SLC24A3: variants seen among roughly 807,000 people sequenced by gnomAD.
SLC24A3 encodes sodium/potassium/calcium exchanger 3.
Under a neutral mutation model 75.8 loss-of-function variants are expected in SLC24A3, and 28 were observed. The observed-to-expected ratio is 0.37, with a 90% CI of 0.27 to 0.51. SLC24A3 has a LOEUF of 0.51. Among genes scored for constraint, SLC24A3 ranks in the 20% least tolerant of loss-of-function variants. The pLI, the probability that SLC24A3 is intolerant of heterozygous loss-of-function variation, is 0.94. For missense variants in SLC24A3, 663 were observed against 847.8 expected (o/e 0.78, Z 2.71); for synonymous variants, 372 against 334.1 (o/e 1.11, Z -1.24).
intron 9 of SLC24A3, among the ~76,000 whole-genome samples, chr20:19,680,212 C>A (rs1049782221): frequency 1.1e-4 from 16 of 151,110 alleles, no homozygotes; most frequent in African/African-American, 2.9e-4. Context: ...GTGCATTTTC[C>A]TTGCACTTTG....
intron 2 of SLC24A3, among the ~76,000 whole-genome samples, chr20:19,347,978 A>T (rs1050671395): frequency 6.6e-6 from 1 of 151,924 alleles, no homozygotes; most frequent in Non-Finnish European, 1.5e-5. Flanking sequence ...CTGCTTCGAA[A>T]CCTTTCCTGG....
chr20:19,654,056 C>T lies in SLC24A3; in HGVS notation c.613-6C>T, dbSNP rs1337980566. ...CCTGTTTGACTTTGTTTCCCTTGTC[C>T]TGCAGGTTGTGGCTCTTTCCTCCTG... On this transcript the variant is annotated splice_polypyrimidine_tract_variant and splice_region_variant and intron_variant, in intron 6 of 16. Coordinates refer to ENST00000328041, the MANE Select transcript of SLC24A3 (RefSeq NM_020689.4). 3.1e-6 allele frequency: 5 copies of T among 1,610,440 alleles called. No homozygotes were observed. Among genetic ancestry groups the T allele is most frequent in the Non-Finnish European group, 4.2e-6 (5 of 1,176,868 alleles).
chr20:19,572,706 A>G (rs2031072454), intron 3 of SLC24A3, among the ~76,000 whole-genome samples: 1 of 152,024 alleles, frequency 6.6e-6, no homozygotes, highest in Admixed American at 6.6e-5. Flanking sequence ...CCCACCCCAA[A>G]TCCTCTTGTT....
intron 2 of SLC24A3, among the ~76,000 whole-genome samples, chr20:19,403,934 T>C (rs1176153534): frequency 6.6e-6 from 1 of 152,236 alleles, no homozygotes; most frequent in African/African-American, 2.4e-5. Context: ...GTAACCCTCA[T>C]GATAAAACAG....
chr20:19,668,514 C>T (rs1249718083), intron 8 of SLC24A3, among the ~76,000 whole-genome samples: 7 of 152,150 alleles, frequency 4.6e-5, no homozygotes, highest in Non-Finnish European at 7.4e-5. Flanking sequence ...AGGCAGGTAA[C>T]CAGTTCACCC....
intron 2 of SLC24A3, among the ~76,000 whole-genome samples, chr20:19,369,744 C>T (rs1013671793): frequency 6.6e-6 from 1 of 152,052 alleles, no homozygotes; most frequent in African/African-American, 2.4e-5. Flanking sequence ...TTAGGAAATA[C>T]GCTAAAATAC....
Position 19,684,201 on chromosome 20 carries a change from G to A in SLC24A3, c.927G>A (p.Val309=), listed in dbSNP as rs769307402. The A allele has an allele frequency of 1.2e-6, 2 of 1,614,078 alleles. No homozygotes were observed. The highest frequency in any genetic ancestry group is 1.1e-5 in the South Asian group (1 of 91,068). Residue 309 remains valine (V), a synonymous_variant, in exon 11 of 17, where the codon GTG becomes GTA. Coordinates refer to ENST00000328041, the MANE Select transcript of SLC24A3 (RefSeq NM_020689.4). ...KKANFHRKAS[V]IMVDELLSAY... ...CAAATTTCCACCGCAAAGCATCAGT[G>A]ATCATGGTAGACGAGCTGCTGTCAG...
chr20:19,677,686 C>CTTTTTTTTTTTTTTT (rs796484728), intron 9 of SLC24A3, among the ~76,000 whole-genome samples: 1 of 113,950 alleles, frequency 8.8e-6, no homozygotes, highest in African/African-American at 3.3e-5. Flanking sequence ...TTTTTTTTTT[C>CTTTTTTTTTTTTTTT]TTTTTTTTTT....
rs112022929 is a variant in SLC24A3, at chr20:19,316,121, G to A, written c.271+35034G>A. On this transcript the variant is annotated intron_variant, in intron 2 of 16. Transcript: ENST00000328041. ...AAGCCTATTGAACCACATATTGCTA[G>A]CTCAGGAAAAGATCAAAATTTAAAA... is the stretch of plus-strand genomic sequence containing the variant. Among the ~76,000 whole-genome samples the A allele has an allele frequency of 2.9e-3, 448 of 152,314 alleles. 2 individuals carry two copies. The highest frequency in any genetic ancestry group is 9.8e-3 in the African/African-American group (408 of 41,560).
intron 6 of SLC24A3, among the ~76,000 whole-genome samples, chr20:19,598,378 T>G (rs118095213): frequency 0.02 from 3,084 of 152,258 alleles, 42 homozygotes; most frequent in Middle Eastern, 0.048. Flanking sequence ...GGAGGGCTCA[T>G]GTACCACGTG....
chr20:19,282,919 G>A (rs1235344482), intron 2 of SLC24A3, among the ~76,000 whole-genome samples: 1 of 152,144 alleles, frequency 6.6e-6, no homozygotes, highest in Non-Finnish European at 1.5e-5. Flanking sequence ...TCCAAGAGTG[G>A]AAATAACTCA....
In SLC24A3 at chr20:19,721,100, T is replaced by G; in HGVS notation, c.1895T>G (p.Val632Gly). Residue 632 changes from valine to glycine, a missense_variant, in exon 17 of 17, where the codon GTG becomes GGG. Val to Gly is a moderately radical substitution (Grantham distance 109). Transcript: ENST00000328041. ...TTCTCCATCATGACTGAGTTCAACG[T>G]GTTCACCTTTGTGAACCTGCCCATG... Reference protein sequence around the residue: ...LCFSIMTEFNVFTFVNLPMCG... With the variant: ...LCFSIMTEFNGFTFVNLPMCG... 6.2e-7 allele frequency: 1 copy of G among 1,614,192 alleles called. No individual in the cohort carries two copies. The highest frequency in any genetic ancestry group is 8.5e-7 in the Non-Finnish European group (1 of 1,180,030).
rs185362121 is a variant in SLC24A3 at position 19,656,005 on chromosome 20, G to T, written c.687+1869G>T. ...GACCTGGGAGAAATCAATCTCTCTA[G>T]GTTTCAGTTTTCTTACCTACACAAT... is the stretch of plus-strand genomic sequence containing the variant. On this transcript the variant is annotated intron_variant, in intron 7 of 16. Transcript: ENST00000328041. Among the ~76,000 whole-genome samples, 4 of 152,156 alleles carry T rather than the reference G, an allele frequency of 2.6e-5. No individual in the cohort carries two copies. In the East Asian group the frequency reaches 7.7e-4, roughly 29 times the overall value.
chr20:19,445,024 A>C lies in SLC24A3; in HGVS notation c.272-70464A>C, dbSNP rs1412747503. 2.6e-5 allele frequency among the ~76,000 whole-genome samples: 4 copies of C among 152,014 alleles called. No homozygotes were observed. In the East Asian group the frequency reaches 7.7e-4, roughly 29 times the overall value. ...TTTGATACATTTAACTTTTATTTTT[A>C]TTTTATTTGAGAAAGTTTTAAAAAT... On this transcript the variant is annotated intron_variant, in intron 2 of 16. Transcript: ENST00000328041.
intron 2 of SLC24A3, among the ~76,000 whole-genome samples, chr20:19,433,194 C>T (rs62200409): frequency 0.02 from 3,010 of 152,250 alleles, 41 homozygotes; most frequent in Middle Eastern, 0.085. Flanking sequence ...CAGTATCACC[C>T]TGTTACTTAT....
chr20:19,230,565 T>C (rs1210457521), intron 1 of SLC24A3, among the ~76,000 whole-genome samples: 1 of 150,834 alleles, frequency 6.6e-6, no homozygotes, highest in Non-Finnish European at 1.5e-5. Context: ...CTTTGCCTAG[T>C]TGAGTTGCAT....
intron 1 of SLC24A3, among the ~76,000 whole-genome samples, chr20:19,272,118 T>C (rs1983347036): frequency 6.6e-6 from 1 of 152,254 alleles, no homozygotes; most frequent in Admixed American, 6.5e-5. Context: ...GCTTTCTCTG[T>C]GCTGCCCGCC....
At chr20:19,628,700 C>T (rs2031897415) in intron 6 of SLC24A3, among the ~76,000 whole-genome samples, 1 of 152,068 alleles carries the variant, frequency 6.6e-6, no homozygotes, top group Non-Finnish European at 1.5e-5. Context: ...CTGCTTGCTA[C>T]ACCACTACCA....
intron 4 of SLC24A3, among the ~76,000 whole-genome samples, chr20:19,582,359 G>A (rs750921931): frequency 3.9e-5 from 6 of 152,226 alleles, no homozygotes; most frequent in East Asian, 1.9e-4. Flanking sequence ...GAAGGTTGTC[G>A]TTTCCAGCTT....
Sources: gnomAD v4.1 joint callset for allele counts (sites outside exome capture counted in the v4.1 genomes callset) on GRCh38, gnomAD v4.1.1 for gene constraint, MANE v1.5 for transcripts, NCBI Gene and HGNC (gene_info 2026-07-23, HGNC 2026-07-21) for gene names.